Variants in IKZF1 observed in about 807,000 individuals in gnomAD.
The protein encoded by IKZF1 is IKAROS family zinc finger 1, also known as DNA-binding protein Ikaros.
Under a neutral mutation model 51.7 loss-of-function variants are expected in IKZF1, and 10 were observed. The ratio of observed to expected loss-of-function variants is 0.19; its 90% CI spans 0.12 to 0.33. IKZF1 has a LOEUF of 0.33. IKZF1 is among the 10% of genes least tolerant of loss of function. The pLI is 1.00. For synonymous variants in IKZF1, 280 were observed against 282.3 expected, an observed-to-expected ratio of 0.99 and a Z score of 0.08; for missense variants, 484 against 707.5, an observed-to-expected ratio of 0.68 and a Z score of 3.58.
At chr7:50,349,650 C>T (rs996664590) in intron 3 of IKZF1, among the ~76,000 whole-genome samples, 1 of 152,090 alleles carries the variant, frequency 6.6e-6, no homozygotes, top group Non-Finnish European at 1.5e-5. Context: ...CAGTAACAGC[C>T]ACCCAGTCTA....
chr7:50,382,421 A>G (rs1244335042), intron 4 of IKZF1, 119 bp from the exon 5 acceptor site: 3 of 1,392,496 alleles, frequency 2.2e-6, no homozygotes, highest in Non-Finnish European at 2.8e-6. Context: ...CTCATGTTCT[A>G]TCAAACCTGC....
intron 4 of IKZF1, among the ~76,000 whole-genome samples, chr7:50,377,483 G>A (rs1351877216): frequency 1.3e-5 from 2 of 152,238 alleles, no homozygotes; most frequent in African/African-American, 4.8e-5. Flanking sequence ...AAGGAACACG[G>A]GCACCCTAGT....
chr7:50,358,100 A>T (rs1007593109), intron 3 of IKZF1, among the ~76,000 whole-genome samples: 5 of 152,156 alleles, frequency 3.3e-5, no homozygotes, highest in African/African-American at 1.2e-4. Flanking sequence ...ACACGCTCTT[A>T]GTTGTTCGAT....
At chr7:50,389,192 G>A (rs905475589) in intron 6 of IKZF1, among the ~76,000 whole-genome samples, 2 of 152,178 alleles carry the variant, frequency 1.3e-5, no homozygotes, top group African/African-American at 2.4e-5. Flanking sequence ...CTGATAATTC[G>A]TGCCTGGCCA....
chr7:50,309,419 T>C (rs1789623953), intron 1 of IKZF1, among the ~76,000 whole-genome samples: 1 of 152,152 alleles, frequency 6.6e-6, no homozygotes, highest in Admixed American at 6.5e-5. Context: ...TCTCTGTCAT[T>C]CCCTTCCCTC....
At chr7:50,338,045 T>C (rs1337273866) in intron 3 of IKZF1, among the ~76,000 whole-genome samples, 2 of 152,118 alleles carry the variant, frequency 1.3e-5, no homozygotes, top group Non-Finnish European at 2.9e-5. Context: ...TAAGGTTTTT[T>C]AATATAGCCA....
chr7:50,327,773 G>T lies in IKZF1; in HGVS notation c.160+16G>T. The T allele has an allele frequency of 6.2e-7, 1 of 1,601,328 alleles. No individual in the cohort carries two copies. The highest frequency in any genetic ancestry group is 8.5e-7 in the Non-Finnish European group (1 of 1,174,114). ...AGAGTCGTGGGTAAGTGGGTCACCA[G>T]CGGCCTCTGTGCCTGTGAAACCTTT... On this transcript the variant is annotated intron_variant, in intron 3 of 7. Transcript: ENST00000331340.
rs892537210 is a variant in IKZF1, at chr7:50,404,843, A to C, written c.*4216A>C. 19 of 224,808 alleles carry C rather than the reference A, an allele frequency of 8.5e-5. No homozygotes were observed. The highest frequency in any genetic ancestry group is 4.2e-4 in the African/African-American group (19 of 44,942). 13.9% of individuals were successfully genotyped at this position (224,808 alleles called of 1,614,324 possible). A position where few individuals can be genotyped will look rare whatever the true frequency, so the allele number is the denominator to read the frequency against. ...CCTCAACATAGCCTTTTGACGCTGT[A>C]AATCTTGAGTATTCATTTACCCTTT... On this transcript the variant is annotated 3_prime_UTR_variant, in exon 8 of 8. Transcript: ENST00000331340.
At chr7:50,363,492 G>A (rs957444652) in intron 3 of IKZF1, among the ~76,000 whole-genome samples, 1 of 152,142 alleles carries the variant, frequency 6.6e-6, no homozygotes, top group Non-Finnish European at 1.5e-5. Flanking sequence ...GTTACCCAGT[G>A]CCCTGGGGAG....
intron 4 of IKZF1, among the ~76,000 whole-genome samples, chr7:50,380,984 A>G (rs1449741871): frequency 2.0e-5 from 3 of 152,202 alleles, no homozygotes; most frequent in Non-Finnish European, 2.9e-5. Flanking sequence ...CTTAGCTAAT[A>G]CAGATTTCTG....
In IKZF1 at chr7:50,398,606, A is replaced by G. The variant is rs11978267; in HGVS notation, c.851-1312A>G. Among the ~76,000 whole-genome samples, 37,702 of 152,166 alleles carry G rather than the reference A, an allele frequency of 0.25. 4,903 individuals are homozygous for G. The highest frequency in any genetic ancestry group is 0.31 in the South Asian group (1,485 of 4,818). Reference sequence around the variant, plus strand: ...GGGAAGGAATTATCCATGCAATCACACATAAACTTCTACCTACCCTCCCCT... The same window carrying G: ...GGGAAGGAATTATCCATGCAATCACGCATAAACTTCTACCTACCCTCCCCT... On this transcript the variant is annotated intron_variant, in intron 7 of 7. Coordinates refer to ENST00000331340, the MANE Select transcript of IKZF1 (RefSeq NM_006060.6).
At chr7:50,395,149 C>T (rs1435218403) in intron 7 of IKZF1, among the ~76,000 whole-genome samples, 1 of 152,100 alleles carries the variant, frequency 6.6e-6, no homozygotes, top group African/African-American at 2.4e-5. Flanking sequence ...AACCCAACAT[C>T]CAGAAATTAC....
intron 3 of IKZF1, among the ~76,000 whole-genome samples, chr7:50,335,009 G>T (rs892460284): frequency 3.0e-4 from 46 of 150,950 alleles, no homozygotes; most frequent in African/African-American, 1.1e-3. Context: ...GGAGTGTGGT[G>T]TATATGTGTG....
intron 3 of IKZF1, among the ~76,000 whole-genome samples, chr7:50,373,880 C>T (rs959662558): frequency 3.9e-5 from 6 of 152,182 alleles, no homozygotes; most frequent in African/African-American, 1.4e-4. Context: ...TGCCTATCTC[C>T]TTTATTTTCC....
intron 2 of IKZF1, among the ~76,000 whole-genome samples, chr7:50,319,960 G>C (rs950866558): frequency 6.6e-6 from 1 of 152,158 alleles, no homozygotes; most frequent in Non-Finnish European, 1.5e-5. Flanking sequence ...CTGCTCCCCT[G>C]CTTGGTGGTT....
At chr7:50,333,599 G>T (rs1297664000) in intron 3 of IKZF1, among the ~76,000 whole-genome samples, 1 of 152,206 alleles carries the variant, frequency 6.6e-6, no homozygotes, top group East Asian at 1.9e-4. Context: ...ATTAGCTGCA[G>T]CTGAACTCAA....
At chr7:50,375,879 T>A (rs995748241) in intron 3 of IKZF1, among the ~76,000 whole-genome samples, 1 of 152,156 alleles carries the variant, frequency 6.6e-6, no homozygotes, top group African/African-American at 2.4e-5. Flanking sequence ...TTATGTTATT[T>A]AAGATAAACA....
At chr7:50,320,906 G>C (rs1793085316) in intron 2 of IKZF1, among the ~76,000 whole-genome samples, 1 of 152,138 alleles carries the variant, frequency 6.6e-6, no homozygotes, top group Non-Finnish European at 1.5e-5. Context: ...TTAAAACTAT[G>C]GTACATCCAT....
chr7:50,387,375 G>T lies in IKZF1; in HGVS notation c.620G>T (p.Gly207Val). Reference sequence around the variant, plus strand: ...AAACCTCACAAATGTGGATATTGTGGCCGAAGCTATAAACAGCGAAGCTCT... The same window carrying T: ...AAACCTCACAAATGTGGATATTGTGTCCGAAGCTATAAACAGCGAAGCTCT... ...VGKPHKCGYCGRSYKQRSSLE... is the reference protein window; with the variant it reads ...VGKPHKCGYCVRSYKQRSSLE... The change falls in exon 6 of 8, where the codon GGC (glycine) becomes GTC (valine). Residue 207 changes from glycine to valine, a missense_variant. By Grantham distance (109) the Gly-to-Val change is moderately radical (BLOSUM62 -3). Around this residue, in one of 6 missense-constraint regions of IKZF1, gnomAD observed 53 missense variants for 167.7 expected, o/e 0.32. Coordinates refer to ENST00000331340, the MANE Select transcript of IKZF1 (RefSeq NM_006060.6). The T allele has an allele frequency of 6.2e-7, 1 of 1,613,562 alleles. No individual in the cohort carries two copies. Among genetic ancestry groups the T allele is most frequent in the Non-Finnish European group, 8.5e-7 (1 of 1,179,740 alleles).
Sources: gnomAD v4.1 joint callset for allele counts (sites outside exome capture counted in the v4.1 genomes callset) on GRCh38, gnomAD v4.1.1 for gene constraint, gnomAD v4.1.1 regional missense constraint, MANE v1.5 for transcripts, NCBI Gene and HGNC (gene_info 2026-07-23, HGNC 2026-07-21) for gene names.